Variants in RYR3 observed in about 807,000 individuals in gnomAD.
The protein encoded by RYR3 is brain ryanodine receptor-calcium release channel.
RYR3 carries 207 observed loss-of-function variants against 584.3 expected under a neutral mutation model. The observed-to-expected ratio is 0.35, with a 90% CI of 0.32 to 0.40. The LOEUF (loss-of-function observed/expected upper bound fraction) is 0.40. Ranked by LOEUF, RYR3 falls within the 10% of genes least tolerant of loss-of-function variation. RYR3 has a pLI of 1.00. For missense variants in RYR3, 5,616 were observed against 6,089.2 expected (o/e 0.92, Z 2.59); for synonymous variants, 2,416 against 2,248.5 (o/e 1.07, Z -2.11).
chr15:33,338,094 G>A (rs981054507), intron 1 of RYR3, among the ~76,000 whole-genome samples: 3 of 152,008 alleles, frequency 2.0e-5, no homozygotes, highest in African/African-American at 7.2e-5. Context: ...GCAGGCGCCC[G>A]CCACCACGCC....
intron 1 of RYR3, among the ~76,000 whole-genome samples, chr15:33,462,473 G>C (rs2048121529): frequency 6.6e-6 from 1 of 152,186 alleles, no homozygotes; most frequent in Non-Finnish European, 1.5e-5. Context: ...TGGATGTGCT[G>C]TGGCCTTTTC....
At chr15:33,706,061 T>C (rs1355286906) in intron 42 of RYR3, among the ~76,000 whole-genome samples, 1 of 152,170 alleles carries the variant, frequency 6.6e-6, no homozygotes, top group East Asian at 1.9e-4. Flanking sequence ...AAAAAATGAA[T>C]TGGAGGCTCT....
chr15:33,657,838 T>TG (rs2062909829), intron 32 of RYR3, among the ~76,000 whole-genome samples: 1 of 152,218 alleles, frequency 6.6e-6, no homozygotes, highest in Non-Finnish European at 1.5e-5. Flanking sequence ...ATGTACTGGA[T>TG]GAAAGTCTGG....
rs2079432874 is a variant in RYR3, at chr15:33,854,462, C to T, written c.13860+13C>T. ...TTTTACTGACAACGTAAGTACTGCACCTGGAAAAACAAAATTCTATACCCC... is the reference window on the plus strand; with the variant it reads ...TTTTACTGACAACGTAAGTACTGCATCTGGAAAAACAAAATTCTATACCCC... On this transcript the variant is annotated intron_variant, in intron 97 of 103. Transcript: ENST00000634891. 6.4e-7 allele frequency: 1 copy of T among 1,551,656 alleles called. No individual in the cohort carries two copies. The highest frequency in any genetic ancestry group is 8.7e-7 in the Non-Finnish European group (1 of 1,149,200).
At chr15:33,730,465 A>G (rs2068855423) in intron 47 of RYR3, among the ~76,000 whole-genome samples, 2 of 152,116 alleles carry the variant, frequency 1.3e-5, no homozygotes, top group South Asian at 4.1e-4. Context: ...ATAAATGTGA[A>G]AGATTAGCTG....
chr15:33,810,960 T>C lies in RYR3; in HGVS notation c.10198-18T>C. On this transcript the variant is annotated intron_variant, in intron 71 of 103. Coordinates refer to ENST00000634891, the MANE Select transcript of RYR3 (RefSeq NM_001036.6). ...CATGGTGATCTCCGGGAATAAAATC[T>C]GACATCTCTTTCCACAGAGGGACAC... The C allele has an allele frequency of 6.3e-7, 1 of 1,598,172 alleles. No homozygotes were observed. Among genetic ancestry groups the C allele is most frequent in the Non-Finnish European group, 8.5e-7 (1 of 1,171,780 alleles).
Position 33,318,787 on chromosome 15 carries a change from T to C in RYR3, c.51+7691T>C, listed in dbSNP as rs186678029. Among the ~76,000 whole-genome samples, 239 of 152,264 alleles carry C rather than the reference T, an allele frequency of 1.6e-3. 1 individual carries two copies. The highest frequency in any genetic ancestry group is 3.0e-3 in the Non-Finnish European group (202 of 68,016). Reference sequence around the variant, plus strand: ...ATACTTTGTTTTAAATAATTCATAATCAGAGAAAACAGTAAGATAAGGTGA... The same window carrying C: ...ATACTTTGTTTTAAATAATTCATAACCAGAGAAAACAGTAAGATAAGGTGA... On this transcript the variant is annotated intron_variant, in intron 1 of 103. Transcript: ENST00000634891.
intron 1 of RYR3, among the ~76,000 whole-genome samples, chr15:33,437,340 C>G (rs944302462): frequency 2.6e-5 from 4 of 152,202 alleles, no homozygotes; most frequent in Non-Finnish European, 4.4e-5. Flanking sequence ...TAACATTTTC[C>G]TCATGGTTAC....
At chr15:33,743,589 C>T (rs1596390852) in intron 52 of RYR3, among the ~76,000 whole-genome samples, 1 of 152,164 alleles carries the variant, frequency 6.6e-6, no homozygotes, top group South Asian at 2.1e-4. Context: ...TGCTTATGGC[C>T]GTTTGGCCAG....
chr15:33,454,069 A>C (rs1434965916), intron 1 of RYR3, among the ~76,000 whole-genome samples: 3 of 152,230 alleles, frequency 2.0e-5, no homozygotes, highest in Admixed American at 6.5e-5. Context: ...GTGAGGCTGG[A>C]GGCTATCCTT....
At position 33,816,854 on chromosome 15, in the gene RYR3, C is replaced by G. The variant is rs1424224298; in HGVS notation, c.10503-8C>G. 6.2e-7 allele frequency: 1 copy of G among 1,602,096 alleles called. No individual in the cohort carries two copies. Among genetic ancestry groups the G allele is most frequent in the Non-Finnish European group, 8.5e-7 (1 of 1,170,758 alleles). ...CCTCTTGACCTCCCTCTCACCCCTT[C>G]CGCTCAGGCACCGCTCTATTAACCT... On this transcript the variant is annotated splice_polypyrimidine_tract_variant and splice_region_variant and intron_variant, in intron 74 of 103. Transcript: ENST00000634891.
chr15:33,464,788 T>C (rs1338719677), intron 1 of RYR3, among the ~76,000 whole-genome samples: 1 of 151,920 alleles, frequency 6.6e-6, no homozygotes. Context: ...AATTATAAGA[T>C]AGAGTATTGT....
intron 91 of RYR3, among the ~76,000 whole-genome samples, chr15:33,842,295 G>A (rs1486088738): frequency 6.6e-6 from 1 of 152,194 alleles, no homozygotes; most frequent in Non-Finnish European, 1.5e-5. Flanking sequence ...TCCTTACCAG[G>A]AGAGCAGGAA....
chr15:33,862,080 T>C (rs1597120628), intron 102 of RYR3, among the ~76,000 whole-genome samples: 2 of 152,056 alleles, frequency 1.3e-5, no homozygotes, highest in Non-Finnish European at 2.9e-5. Flanking sequence ...ACAGAATGTA[T>C]AGAGTGTATA....
chr15:33,700,456 T>A (rs2066218791), intron 41 of RYR3, among the ~76,000 whole-genome samples: 2 of 152,182 alleles, frequency 1.3e-5, no homozygotes, highest in Admixed American at 6.5e-5. Context: ...GTTTCACGGG[T>A]TTTTATTTCT....
chr15:33,435,302 CTCTG>C (rs1223207053), intron 1 of RYR3, among the ~76,000 whole-genome samples: 8 of 151,700 alleles, frequency 5.3e-5, no homozygotes, highest in Non-Finnish European at 8.8e-5. Context: ...GTGTCATACT[CTCTG>C]TATTTTTCTG....
At chr15:33,703,631 T>C (rs1476357356) in intron 42 of RYR3, among the ~76,000 whole-genome samples, 1 of 150,218 alleles carries the variant, frequency 6.7e-6, no homozygotes, top group Admixed American at 6.6e-5. Context: ...TCTGGGATAT[T>C]GAGGGTTAGG....
At chr15:33,795,219 C>T (rs1437934161) in intron 67 of RYR3, among the ~76,000 whole-genome samples, 2 of 152,166 alleles carry the variant, frequency 1.3e-5, no homozygotes, top group Non-Finnish European at 2.9e-5. Context: ...GTCTGGAATA[C>T]TCTTCTGAAG....
chr15:33,767,080 G>T (rs2073138373), intron 60 of RYR3, among the ~76,000 whole-genome samples: 2 of 152,212 alleles, frequency 1.3e-5, no homozygotes, highest in South Asian at 2.1e-4. Context: ...ATTGTTTTGT[G>T]TTTACACAGA....
Sources: gnomAD v4.1 joint callset for allele counts (sites outside exome capture counted in the v4.1 genomes callset) on GRCh38, gnomAD v4.1.1 for gene constraint, MANE v1.5 for transcripts, NCBI Gene and HGNC (gene_info 2026-07-23, HGNC 2026-07-21) for gene names.